The following ROR1 variants were observed in gnomAD, a reference collection of about 807,000 sequenced individuals.
The protein encoded by ROR1 is inactive tyrosine-protein kinase transmembrane receptor ROR1.
A neutral mutation model predicts 78.8 loss-of-function variants in ROR1; 19 were observed. The observed-to-expected ratio is 0.24, with a 90% CI of 0.17 to 0.35. The LOEUF is 0.35. Ranked by LOEUF, ROR1 falls within the 10% of genes least tolerant of loss-of-function variation. ROR1 has a pLI of 1.00. For synonymous variants in ROR1, 386 were observed against 433.6 expected, an observed-to-expected ratio of 0.89 and a Z score of 1.36; for missense variants, 917 against 1,177.8, an observed-to-expected ratio of 0.78 and a Z score of 3.24.
At chr1:64,014,738 CACTATA>C (rs1263269088) in intron 2 of ROR1, among the ~76,000 whole-genome samples, 61 of 9,042 alleles carry the variant, frequency 6.7e-3, no homozygotes, top group Middle Eastern at 0.071. Context: ...CACATACGCA[CACTATA>C]TATATATATA....
chr1:64,048,817 G>A (rs1194692682), intron 2 of ROR1, among the ~76,000 whole-genome samples: 1 of 152,044 alleles, frequency 6.6e-6, no homozygotes, highest in South Asian at 2.1e-4. Flanking sequence ...TCTGAAACAG[G>A]CAAAATTAAC....
intron 1 of ROR1, among the ~76,000 whole-genome samples, chr1:63,854,781 T>C (rs951018429): frequency 1.3e-5 from 2 of 152,246 alleles, no homozygotes; most frequent in African/African-American, 4.8e-5. Context: ...TCTCTTGGTA[T>C]CTGTGGCACA....
intron 1 of ROR1, among the ~76,000 whole-genome samples, chr1:63,835,852 C>A (rs1645016159): frequency 6.6e-6 from 1 of 152,212 alleles, no homozygotes; most frequent in Non-Finnish European, 1.5e-5. Flanking sequence ...TTCATTGAGA[C>A]AACCGTCTCC....
At chr1:63,869,382 T>C (rs868428810) in intron 1 of ROR1, among the ~76,000 whole-genome samples, 19 of 152,230 alleles carry the variant, frequency 1.2e-4, no homozygotes, top group African/African-American at 3.9e-4. Context: ...CTGCAGCTCA[T>C]TGTGACTGGG....
intron 4 of ROR1, among the ~76,000 whole-genome samples, chr1:64,119,834 A>G (rs529466052): frequency 7.9e-5 from 12 of 152,322 alleles, no homozygotes; most frequent in Admixed American, 3.9e-4. Flanking sequence ...ATTTAAGGCC[A>G]CATGGGTAAG....
At chr1:64,114,427 A>C (rs1648236723) in intron 4 of ROR1, among the ~76,000 whole-genome samples, 1 of 152,208 alleles carries the variant, frequency 6.6e-6, no homozygotes, top group African/African-American at 2.4e-5. Context: ...AGAGAGACTC[A>C]GTAGTTGACT....
chr1:63,989,940 C>G (rs976186054), intron 1 of ROR1, among the ~76,000 whole-genome samples: 1 of 152,176 alleles, frequency 6.6e-6, no homozygotes, highest in Admixed American at 6.5e-5. Context: ...TTCCTCATTG[C>G]TCAGAGTGCT....
intron 8 of ROR1, chr1:64,171,445 G>C (rs1004626181): frequency 6.6e-6 from 1 of 152,250 alleles, no homozygotes; most frequent in Non-Finnish European, 1.5e-5. Context: ...AATTCAAGAT[G>C]AGATGTGAGT....
chr1:63,774,741 T>G lies in ROR1; in HGVS notation c.91+233T>G. On this transcript the variant is annotated intron_variant, in intron 1 of 8. Coordinates refer to ENST00000371079, the MANE Select transcript of ROR1 (RefSeq NM_005012.4). The surrounding 1 kb of genome is among the most constrained non-coding windows in gnomAD (Gnocchi z 5.7). ...GGGCCGGGGCGCGCCCAGGGACTCGTTCCTCGGTGCGCAGCAGCGATTGTC... is the reference window on the plus strand; with the variant it reads ...GGGCCGGGGCGCGCCCAGGGACTCGGTCCTCGGTGCGCAGCAGCGATTGTC... Among the ~76,000 whole-genome samples the G allele has an allele frequency of 6.6e-6, 1 of 151,292 alleles. No homozygotes were observed. Among genetic ancestry groups the G allele is most frequent in the Non-Finnish European group, 1.5e-5 (1 of 67,704 alleles).
intron 1 of ROR1, among the ~76,000 whole-genome samples, chr1:64,008,721 G>A (rs753319644): frequency 3.3e-5 from 5 of 152,004 alleles, no homozygotes; most frequent in Non-Finnish European, 5.9e-5. Flanking sequence ...TGCAACCTCC[G>A]CCTCCCAGGT....
At chr1:63,953,814 G>A (rs566300643) in intron 1 of ROR1, among the ~76,000 whole-genome samples, 2 of 152,328 alleles carry the variant, frequency 1.3e-5, no homozygotes, top group East Asian at 3.9e-4. Flanking sequence ...TCTTGAATAG[G>A]ACTTGGGTCC....
intron 1 of ROR1, among the ~76,000 whole-genome samples, chr1:63,854,985 TTTATTA>T (rs1009484666): frequency 4.6e-5 from 7 of 152,026 alleles, no homozygotes; most frequent in Admixed American, 3.3e-4. Flanking sequence ...ATTTGTATTA[TTTATTA>T]TTATTATTTA....
intron 1 of ROR1, among the ~76,000 whole-genome samples, chr1:63,994,244 T>G (rs563387358): frequency 8.9e-4 from 136 of 152,218 alleles, no homozygotes; most frequent in Middle Eastern, 6.8e-3. Flanking sequence ...CTTACTATAT[T>G]GTAGCCCTTT....
chr1:63,810,154 A>C (rs984093277), intron 1 of ROR1, among the ~76,000 whole-genome samples: 2 of 152,190 alleles, frequency 1.3e-5, no homozygotes, highest in Non-Finnish European at 2.9e-5. Flanking sequence ...TTTAGTGCAT[A>C]TGTTCATTTT....
intron 1 of ROR1, among the ~76,000 whole-genome samples, chr1:63,914,611 C>A (rs1645595541): frequency 6.6e-6 from 1 of 152,152 alleles, no homozygotes; most frequent in Non-Finnish European, 1.5e-5. Context: ...AAAGTCTGAT[C>A]CCAATTTATC....
At chr1:64,121,583 G>A (rs1229598889) in intron 4 of ROR1, among the ~76,000 whole-genome samples, 3 of 152,124 alleles carry the variant, frequency 2.0e-5, no homozygotes, top group African/African-American at 4.8e-5. Context: ...GCACCCTGGC[G>A]GGGAAGAGTA....
chr1:64,022,854 C>G (rs1439412156), intron 2 of ROR1, among the ~76,000 whole-genome samples: 2 of 152,090 alleles, frequency 1.3e-5, no homozygotes, highest in African/African-American at 4.8e-5. Context: ...GGTAAAGTGT[C>G]TATTTAGAGG....
rs373461066 is a variant in ROR1 at position 64,178,825 on chromosome 1, C to T, written c.2784C>T (p.His928=). ...TAGGAGACGCCAATATTCATGGACA[C>T]ACCGAATCTATGATTTCTGCAGAAC... is the stretch of plus-strand genomic sequence containing the variant. ...SLLGDANIHG[H]TESMISAEL Residue 928 remains histidine (H), a synonymous_variant, in exon 9 of 9, where the codon CAC becomes CAT. Coordinates refer to ENST00000371079, the MANE Select transcript of ROR1 (RefSeq NM_005012.4). This position sits in a 1 kb window ranked among gnomAD's most constrained non-coding sequence, Gnocchi z 4.3. 117 of 1,613,658 alleles carry T rather than the reference C, an allele frequency of 7.3e-5. No homozygotes were observed. The East Asian group carries it at 2.1e-3, about 29-fold the overall frequency.
At chr1:63,935,905 A>C (rs1473243655) in intron 1 of ROR1, among the ~76,000 whole-genome samples, 1 of 152,256 alleles carries the variant, frequency 6.6e-6, no homozygotes, top group African/African-American at 2.4e-5. Context: ...GGAGTTATTT[A>C]TGAGGTAGCT....
Sources: allele counts gnomAD v4.1 joint callset (sites outside exome capture counted in the v4.1 genomes callset), GRCh38; gene constraint gnomAD v4.1.1; non-coding constraint Gnocchi (gnomAD v3.1); transcripts MANE v1.5; gene names NCBI Gene and HGNC (gene_info 2026-07-23, HGNC 2026-07-21).